DNAH6: variants seen among roughly 807,000 people sequenced by gnomAD.
DNAH6 encodes the protein dynein axonemal heavy chain 6.
A neutral mutation model predicts 491.4 loss-of-function variants in DNAH6; 340 were observed. That is an observed-to-expected ratio of 0.69 (90% CI 0.63 to 0.76). The LOEUF (loss-of-function observed/expected upper bound fraction) is 0.76, where lower values mean the gene tolerates loss of function less well. Among genes scored for constraint, DNAH6 ranks in the 30% least tolerant of loss-of-function variants. The pLI is 0.00. For synonymous variants in DNAH6, 1,603 were observed against 1,686.1 expected, an observed-to-expected ratio of 0.95 and a Z score of 1.21; for missense variants, 4,443 against 4,972.2, an observed-to-expected ratio of 0.89 and a Z score of 3.20.
chr2:84,657,466 T>G (rs1471374667), intron 35 of DNAH6, among the ~76,000 whole-genome samples: 2 of 152,058 alleles, frequency 1.3e-5, no homozygotes, highest in Non-Finnish European at 2.9e-5. Context: ...GAATGTGGTA[T>G]TTCTCTCCAT....
intron 33 of DNAH6, among the ~76,000 whole-genome samples, chr2:84,650,801 G>A (rs1435453170): frequency 6.6e-6 from 1 of 152,120 alleles, no homozygotes; most frequent in Non-Finnish European, 1.5e-5. Context: ...GTCTCTCTTA[G>A]TTCAGTTTGA....
At chr2:84,680,656 A>G (rs1202445699) in intron 41 of DNAH6, among the ~76,000 whole-genome samples, 1 of 151,616 alleles carries the variant, frequency 6.6e-6, no homozygotes, top group Non-Finnish European at 1.5e-5. Flanking sequence ...TGAAGTGAGG[A>G]TGCTGGGGGA....
chr2:84,703,960 C>A, intron 50 of DNAH6, 107 bp from the exon 51 acceptor site: 1 of 827,540 alleles, frequency 1.2e-6, no homozygotes, highest in Non-Finnish European at 1.9e-6. Flanking sequence ...TCCCTTTCAT[C>A]ATTATTCTAA....
chr2:84,555,339 C>T (rs1679911778), intron 10 of DNAH6, among the ~76,000 whole-genome samples: 1 of 152,166 alleles, frequency 6.6e-6, no homozygotes, highest in Non-Finnish European at 1.5e-5. Context: ...ACTGCTTCTG[C>T]CTCTTGAAAT....
At chr2:84,639,675 C>T (rs1043104810) in intron 31 of DNAH6, among the ~76,000 whole-genome samples, 35 of 152,236 alleles carry the variant, frequency 2.3e-4, no homozygotes, top group African/African-American at 8.4e-4. Context: ...CCATCTCGAT[C>T]TCCCAAAGTG....
chr2:84,697,837 A>G lies in DNAH6; in HGVS notation c.7677+110A>G. 3.4e-6 allele frequency: 4 copies of G among 1,176,786 alleles called. 1 individual carries two copies. The highest frequency in any genetic ancestry group is 3.9e-4 in the Middle Eastern group (2 of 5,116). The allele number at this position is 1,176,786 out of a possible 1,614,324, so 72.9% of individuals were successfully genotyped here. On this transcript the variant is annotated intron_variant, in intron 47 of 76. Coordinates refer to ENST00000389394, the MANE Select transcript of DNAH6 (RefSeq NM_001370.2). Reference sequence around the variant, plus strand: ...GGGTCCATGAATAAAATTTTTTTCAATATAATTGGTTTCCTTTGTATTCGA... The same window carrying G: ...GGGTCCATGAATAAAATTTTTTTCAGTATAATTGGTTTCCTTTGTATTCGA...
At chr2:84,631,233 A>T (rs890496439) in intron 29 of DNAH6, among the ~76,000 whole-genome samples, 1 of 152,152 alleles carries the variant, frequency 6.6e-6, no homozygotes, top group Non-Finnish European at 1.5e-5. Context: ...CTGAAAACAC[A>T]CAAGAATGCT....
intron 33 of DNAH6, among the ~76,000 whole-genome samples, chr2:84,645,154 T>G (rs543979576): frequency 6.6e-6 from 1 of 152,274 alleles, no homozygotes; most frequent in South Asian, 2.1e-4. Flanking sequence ...GGGTGGTGGC[T>G]CATGCCTGTA....
chr2:84,555,011 T>A (rs1425152018), intron 10 of DNAH6, among the ~76,000 whole-genome samples: 1 of 152,248 alleles, frequency 6.6e-6, no homozygotes, highest in African/African-American at 2.4e-5. Context: ...TTAGCATGCT[T>A]GTCTATTCAT....
At chr2:84,715,661 G>A in intron 58 of DNAH6, 34 bp downstream of exon 58, 1 of 1,522,630 alleles carries the variant, frequency 6.6e-7, no homozygotes, top group Non-Finnish European at 8.9e-7. Flanking sequence ...GAGGGAAGGG[G>A]GTATTGTGGG....
chr2:84,537,976 C>A (rs1677859559), intron 4 of DNAH6, among the ~76,000 whole-genome samples: 1 of 152,042 alleles, frequency 6.6e-6, no homozygotes, highest in Admixed American at 6.6e-5. Context: ...AAATCTTGTT[C>A]TAAATGTTTT....
Position 84,787,300 on chromosome 2 carries a change from C to T in DNAH6, c.11237C>T (p.Thr3746Ile), listed in dbSNP as rs1677293267. 4.5e-6 allele frequency: 7 copies of T among 1,548,610 alleles called. No individual in the cohort carries two copies. Among genetic ancestry groups the T allele is most frequent in the Non-Finnish European group, 6.1e-6 (7 of 1,145,650 alleles). Residue 3746 changes from threonine to isoleucine, a missense_variant and splice_region_variant, in exon 68 of 77, where the codon ACT (threonine) becomes ATT (isoleucine). Thr to Ile is a moderately conservative substitution (Grantham distance 89, BLOSUM62 -1). This residue lies in a region of DNAH6 where 1,463 missense variants were observed against 1,656.6 expected (regional missense o/e 0.88). Coordinates refer to ENST00000389394, the MANE Select transcript of DNAH6 (RefSeq NM_001370.2). The stretch of plus-strand genomic sequence containing the variant: ...CCCTGGGATGCACTAATTTACATTA[C>T]TGGTGAGTACGTCCTTGTGGCCAGG... ...KIPWDALIYI[T>I]GEITYGGRVT...
chr2:84,475,098 A>G, the DNAH6 span, among the ~76,000 whole-genome samples: 7 of 152,214 alleles, frequency 4.6e-5, no homozygotes, highest in Non-Finnish European at 7.3e-5. Flanking sequence ...TCAATTATTC[A>G]TGTATGTACA....
chr2:84,767,571 T>C (rs1675206154), intron 64 of DNAH6, among the ~76,000 whole-genome samples: 1 of 151,954 alleles, frequency 6.6e-6, no homozygotes, highest in South Asian at 2.1e-4. Context: ...TAAGCGTATA[T>C]ATATATATAT....
At chr2:84,740,606 C>A (rs17025533) in intron 62 of DNAH6, among the ~76,000 whole-genome samples, 21,006 of 152,096 alleles carry the variant, frequency 0.14, 1,606 homozygotes, top group African/African-American at 0.21. Flanking sequence ...CCTTTAGGGA[C>A]AGTCTGCAGC....
chr2:84,727,531 T>C, intron 60 of DNAH6, 138 bp from the exon 61 acceptor site: 1 of 619,258 alleles, frequency 1.6e-6, no homozygotes, highest in Non-Finnish European at 2.9e-6. Flanking sequence ...AAGAACCTAT[T>C]GGGCACATTG....
chr2:84,550,151 A>T, intron 9 of DNAH6, 94 bp downstream of exon 9: 1 of 534,484 alleles, frequency 1.9e-6, no homozygotes, highest in Non-Finnish European at 2.7e-6. Flanking sequence ...TCTGTGCACT[A>T]AAAAAAAAAG....
intron 26 of DNAH6, among the ~76,000 whole-genome samples, chr2:84,622,860 AAC>A (rs1399763788): frequency 1.3e-5 from 2 of 152,110 alleles, no homozygotes; most frequent in African/African-American, 4.8e-5. Flanking sequence ...TTTTTTTGAT[AAC>A]AGTCACCCTA....
chr2:84,688,689 C>T, intron 45 of DNAH6, 96 bp downstream of exon 45: 1 of 984,590 alleles, frequency 1.0e-6, no homozygotes. Context: ...AAACAGATTG[C>T]TAGATGGTCA....
Sources: allele counts gnomAD v4.1 joint callset (sites outside exome capture counted in the v4.1 genomes callset), GRCh38; gene constraint gnomAD v4.1.1; regional missense constraint gnomAD v4.1.1; transcripts MANE v1.5; gene names NCBI Gene and HGNC (gene_info 2026-07-23, HGNC 2026-07-21).